The following UCK2 variants were observed in gnomAD, a reference collection of about 807,000 sequenced individuals.
UCK2 encodes the protein uridine-cytidine kinase 2.
A neutral mutation model predicts 30.8 loss-of-function variants in UCK2; 6 were observed. That is an observed-to-expected ratio of 0.19 (90% CI 0.11 to 0.38). UCK2 has a LOEUF of 0.38. Among genes scored for constraint, UCK2 ranks in the 10% least tolerant of loss-of-function variants. UCK2 has a pLI of 1.00. For missense variants in UCK2, 210 were observed against 339.8 expected (o/e 0.62, Z 3.00); for synonymous variants, 125 against 133.6 (o/e 0.94, Z 0.45).
At chr1:165,893,258 T>C (rs564028903) in intron 3 of UCK2, among the ~76,000 whole-genome samples, 9 of 152,332 alleles carry the variant, frequency 5.9e-5, no homozygotes, top group African/African-American at 1.9e-4. Context: ...CAAGTTGATA[T>C]GCCAACAAAA....
chr1:165,901,842 T>C (rs1182940409), intron 4 of UCK2, among the ~76,000 whole-genome samples: 1 of 150,194 alleles, frequency 6.7e-6, no homozygotes, highest in Admixed American at 6.7e-5. Flanking sequence ...AAAGAGTGTA[T>C]GGGCTGCCTA....
At chr1:165,884,293 G>A (rs1655567238) in intron 1 of UCK2, among the ~76,000 whole-genome samples, 1 of 152,244 alleles carries the variant, frequency 6.6e-6, no homozygotes. Flanking sequence ...GCCTCAACCT[G>A]GAGCCGATTG....
chr1:165,832,639 T>C (rs532847169), intron 1 of UCK2, among the ~76,000 whole-genome samples: 1 of 152,178 alleles, frequency 6.6e-6, no homozygotes, highest in Non-Finnish European at 1.5e-5. Flanking sequence ...GACAGAGCCT[T>C]GCTCTGTCAC....
rs1647798987 is a variant in UCK2, at chr1:165,910,041, A to G, written c.*2218A>G. On this transcript the variant is annotated 3_prime_UTR_variant, in exon 7 of 7. Transcript: ENST00000367879. ...GGGACCAAGCCTCCAATATCTCTGA[A>G]TAGCCCACTCCTAGCTTGGAAACAG... 1 of 152,176 alleles carries G rather than the reference A, an allele frequency of 6.6e-6. No homozygotes were observed. Among genetic ancestry groups the G allele is most frequent in the South Asian group, 2.1e-4 (1 of 4,820 alleles). The allele number at this position is 152,176 out of a possible 1,614,324, so 9.4% of individuals were successfully genotyped here.
At chr1:165,870,115 T>C (rs901157860) in intron 1 of UCK2, among the ~76,000 whole-genome samples, 1 of 152,142 alleles carries the variant, frequency 6.6e-6, no homozygotes, top group African/African-American at 2.4e-5. Context: ...TTTAGGTATT[T>C]GATCTGTTTT....
intron 1 of UCK2, among the ~76,000 whole-genome samples, chr1:165,850,785 A>AT (rs1008405564): frequency 2.2e-4 from 33 of 147,166 alleles, no homozygotes; most frequent in East Asian, 1.4e-3. Flanking sequence ...CACCCAGCTA[A>AT]TTTTTTTTTT....
At chr1:165,855,697 G>A (rs1355712222) in intron 1 of UCK2, among the ~76,000 whole-genome samples, 2 of 152,064 alleles carry the variant, frequency 1.3e-5, no homozygotes, top group African/African-American at 4.8e-5. Context: ...TGTCTGACTA[G>A]TGTGTAGAAG....
intron 1 of UCK2, among the ~76,000 whole-genome samples, chr1:165,886,253 A>G (rs1001642845): frequency 1.3e-5 from 2 of 152,052 alleles, no homozygotes; most frequent in African/African-American, 4.8e-5. Flanking sequence ...TGCCTTCTCA[A>G]ACCCTGGTTA....
chr1:165,905,863 G>T (rs1647641296), intron 5 of UCK2, 58 bp from the exon 6 acceptor site: 7 of 1,538,808 alleles, frequency 4.5e-6, no homozygotes, highest in Admixed American at 1.7e-5. Flanking sequence ...CTTGGAGAGG[G>T]TCTCGGGCCA....
intron 1 of UCK2, among the ~76,000 whole-genome samples, chr1:165,855,510 C>CTTTTTT (rs76464312): frequency 5.5e-4 from 71 of 128,164 alleles, no homozygotes; most frequent in East Asian, 1.3e-3. Flanking sequence ...TTTTTCTTTT[C>CTTTTTT]TTTTTTTTTT....
intron 1 of UCK2, among the ~76,000 whole-genome samples, chr1:165,848,319 G>A (rs1179978856): frequency 6.6e-6 from 1 of 152,148 alleles, no homozygotes; most frequent in Non-Finnish European, 1.5e-5. Flanking sequence ...TATTGGTGGA[G>A]GTTGAACTTC....
chr1:165,880,203 A>C (rs1194045884), intron 1 of UCK2, among the ~76,000 whole-genome samples: 1 of 152,180 alleles, frequency 6.6e-6, no homozygotes, highest in Non-Finnish European at 1.5e-5. Context: ...TTAAGAACGG[A>C]GGAAAGTCAG....
chr1:165,874,216 G>T (rs1432986684), intron 1 of UCK2, among the ~76,000 whole-genome samples: 4 of 152,114 alleles, frequency 2.6e-5, no homozygotes, highest in Non-Finnish European at 4.4e-5. Flanking sequence ...AATCACCTGG[G>T]CCATTTCCTG....
intron 3 of UCK2, chr1:165,894,197 A>T (rs1343765954): frequency 2.0e-5 from 3 of 152,262 alleles, no homozygotes. Context: ...TAAGCATTTC[A>T]TATAAGGGAT....
intron 1 of UCK2, among the ~76,000 whole-genome samples, chr1:165,830,820 GC>G (rs1206741257): frequency 1.3e-5 from 2 of 152,006 alleles, no homozygotes; most frequent in Non-Finnish European, 2.9e-5. Flanking sequence ...GATTGCTTGA[GC>G]CCGGGAGTTT....
At chr1:165,880,559 T>TGTGTGTG (rs1557843843) in intron 1 of UCK2, among the ~76,000 whole-genome samples, 1 of 86,096 alleles carries the variant, frequency 1.2e-5, no homozygotes, top group African/African-American at 4.1e-5. Context: ...ATTCAGTTTT[T>TGTGTGTG]TTTGGGGGTG....
chr1:165,839,852 G>A (rs1056110237), intron 1 of UCK2, among the ~76,000 whole-genome samples: 1 of 152,196 alleles, frequency 6.6e-6, no homozygotes, highest in African/African-American at 2.4e-5. Context: ...GCAGTGGGCC[G>A]GTCACTTGCC....
intron 1 of UCK2, among the ~76,000 whole-genome samples, chr1:165,875,831 A>C (rs546741729): frequency 6.6e-6 from 1 of 152,310 alleles, no homozygotes; most frequent in Admixed American, 6.5e-5. Flanking sequence ...CCAGGTGTTC[A>C]GCTATCCGGA....
chr1:165,831,125 G>C (rs552028340), intron 1 of UCK2, among the ~76,000 whole-genome samples: 1 of 151,788 alleles, frequency 6.6e-6, no homozygotes, highest in Non-Finnish European at 1.5e-5. Context: ...ACCAAAAAAG[G>C]TTATGGCTGA....
Sources: gnomAD v4.1 joint callset for allele counts (sites outside exome capture counted in the v4.1 genomes callset) on GRCh38, gnomAD v4.1.1 for gene constraint, MANE v1.5 for transcripts, NCBI Gene and HGNC (gene_info 2026-07-23, HGNC 2026-07-21) for gene names.